MARCHF3: variants seen among roughly 807,000 people sequenced by gnomAD.
The protein encoded by MARCHF3 is membrane associated ring-CH-type finger 3.
In MARCHF3, 13 loss-of-function variants were observed where a neutral mutation model predicts 24.2. The ratio of observed to expected loss-of-function variants is 0.54; its 90% CI spans 0.35 to 0.85. The LOEUF (loss-of-function observed/expected upper bound fraction) is 0.85. Ranked by LOEUF, MARCHF3 falls within the 40% of genes least tolerant of loss-of-function variation. The pLI is 0.01. For missense variants in MARCHF3, 276 were observed against 325.0 expected, an observed-to-expected ratio of 0.85 and a Z score of 1.16; for synonymous variants, 144 against 137.3, an observed-to-expected ratio of 1.05 and a Z score of -0.34.
intron 3 of MARCHF3, among the ~76,000 whole-genome samples, chr5:126,880,986 C>T (rs112062649): frequency 6.6e-6 from 1 of 152,254 alleles, no homozygotes; most frequent in African/African-American, 2.4e-5. Flanking sequence ...TGGCCCTTGA[C>T]ATTACCCTAT....
intron 3 of MARCHF3, among the ~76,000 whole-genome samples, chr5:126,891,942 G>C (rs997596924): frequency 5.4e-5 from 8 of 147,354 alleles, no homozygotes; most frequent in Admixed American, 1.4e-4. Flanking sequence ...TCTTCCATTT[G>C]TTTGTATCCT....
chr5:127,015,564 A>C (rs1479651785), intron 1 of MARCHF3, among the ~76,000 whole-genome samples: 1 of 152,220 alleles, frequency 6.6e-6, no homozygotes, highest in Non-Finnish European at 1.5e-5. Context: ...CCAAGCTGAA[A>C]GCCATAGAAA....
At chr5:126,925,104 C>G (rs192487860) in intron 1 of MARCHF3, among the ~76,000 whole-genome samples, 10 of 152,274 alleles carry the variant, frequency 6.6e-5, no homozygotes, top group African/African-American at 1.7e-4. Flanking sequence ...CTCATTGTCA[C>G]GCTTACAGGG....
chr5:127,029,774 G>A (rs58159475), intron 1 of MARCHF3: 3,513 of 152,378 alleles, frequency 0.023, 58 homozygotes, highest in Non-Finnish European at 0.027. Flanking sequence ...CACCTCAGGA[G>A]GGTCATGGAT....
intron 4 of MARCHF3, among the ~76,000 whole-genome samples, chr5:126,877,244 C>T (rs1165071488): frequency 6.6e-6 from 1 of 152,170 alleles, no homozygotes; most frequent in African/African-American, 2.4e-5. Flanking sequence ...GTGCTAGAAG[C>T]AGCTTCCACA....
At chr5:126,940,182 G>A (rs1365499554) in intron 1 of MARCHF3, among the ~76,000 whole-genome samples, 1 of 152,194 alleles carries the variant, frequency 6.6e-6, no homozygotes, top group Non-Finnish European at 1.5e-5. Context: ...AGGGCTGTGT[G>A]TCCGTGAATG....
At chr5:126,935,855 C>T (rs1167102810) in intron 1 of MARCHF3, among the ~76,000 whole-genome samples, 1 of 151,982 alleles carries the variant, frequency 6.6e-6, no homozygotes, top group Non-Finnish European at 1.5e-5. Flanking sequence ...AGGTGATCCA[C>T]CCACCTCGGC....
chr5:127,019,204 G>T (rs1298037572), intron 1 of MARCHF3, among the ~76,000 whole-genome samples: 1 of 152,132 alleles, frequency 6.6e-6, no homozygotes, highest in Non-Finnish European at 1.5e-5. Context: ...TAATTAGTCT[G>T]CATTGTGCCT....
In MARCHF3 at chr5:126,870,264, AATAT is replaced by A; in HGVS notation, c.*365_*368del. The A allele has an allele frequency of 6.5e-6, 1 of 153,462 alleles. No individual in the cohort carries two copies. The highest frequency in any genetic ancestry group is 1.9e-4 in the East Asian group (1 of 5,256). 9.5% of individuals were successfully genotyped at this position (153,462 alleles called of 1,614,324 possible). ...TTGATTTTGATTATCATCTAAGTTT[AATAT>A]ATATATATATGTGTGTGTGTTTGAA... On this transcript the variant is annotated 3_prime_UTR_variant, in exon 5 of 5. Coordinates refer to ENST00000308660, the MANE Select transcript of MARCHF3 (RefSeq NM_178450.5).
At chr5:126,926,940 C>A (rs1440444074) in intron 1 of MARCHF3, among the ~76,000 whole-genome samples, 1 of 152,082 alleles carries the variant, frequency 6.6e-6, no homozygotes, top group Non-Finnish European at 1.5e-5. Flanking sequence ...CTCACTCAGC[C>A]CACCCTCTTC....
At chr5:126,973,879 ATTTTTTTTTTTTTTTT>A (rs10585434) in intron 1 of MARCHF3, among the ~76,000 whole-genome samples, 4 of 82,974 alleles carry the variant, frequency 4.8e-5, no homozygotes, top group East Asian at 4.0e-4. Flanking sequence ...AGCAAAATCT[ATTTTTTTTTTTTTTTT>A]TTTTTTTTTT....
intron 1 of MARCHF3, among the ~76,000 whole-genome samples, chr5:127,017,435 T>A (rs574160897): frequency 1.4e-4 from 21 of 152,190 alleles, no homozygotes; most frequent in Non-Finnish European, 2.2e-4. Flanking sequence ...TACAAGGGGT[T>A]TATATGTCTT....
intron 1 of MARCHF3, among the ~76,000 whole-genome samples, chr5:127,023,755 A>AATAC (rs1290012828): frequency 1.3e-5 from 2 of 149,516 alleles, no homozygotes; most frequent in African/African-American, 4.9e-5. Flanking sequence ...TAAATAAATA[A>AATAC]ATAAATAAAT....
chr5:126,920,408 G>GTAAC (rs1234795943), intron 1 of MARCHF3, among the ~76,000 whole-genome samples: 3 of 152,178 alleles, frequency 2.0e-5, no homozygotes, highest in Non-Finnish European at 2.9e-5. Flanking sequence ...GTCACAAAGT[G>GTAAC]TAACTTCCTG....
In MARCHF3 at chr5:126,985,003, C is replaced by T. The variant is rs182211797; in HGVS notation, c.-57+45347G>A. Among the ~76,000 whole-genome samples the T allele has an allele frequency of 2.1e-3, 323 of 152,080 alleles. 3 individuals carry two copies. The highest frequency in any genetic ancestry group is 0.018 in the Admixed American group (279 of 15,272). On this transcript the variant is annotated intron_variant, in intron 1 of 4. Coordinates refer to ENST00000308660, the MANE Select transcript of MARCHF3 (RefSeq NM_178450.5). ...GCAGCCCTGGAAAAAAGAGGAATAA[C>T]GAAAAATTGAGAAGTCAAAGGTGGG...
At chr5:126,886,007 T>C (rs202177724) in intron 3 of MARCHF3, among the ~76,000 whole-genome samples, 1 of 148,310 alleles carries the variant, frequency 6.7e-6, no homozygotes, top group Non-Finnish European at 1.5e-5. Context: ...TATATATATA[T>C]AATTTTTTTT....
intron 3 of MARCHF3, among the ~76,000 whole-genome samples, chr5:126,900,662 A>G (rs541745555): frequency 2.0e-5 from 3 of 151,924 alleles, no homozygotes; most frequent in South Asian, 2.1e-4. Flanking sequence ...GGTGTGGTGG[A>G]AAGAACGTGG....
intron 1 of MARCHF3, among the ~76,000 whole-genome samples, chr5:126,995,893 A>T (rs1271822842): frequency 1.3e-5 from 2 of 152,268 alleles, no homozygotes; most frequent in Non-Finnish European, 2.9e-5. Flanking sequence ...GATGTGTTAT[A>T]AACACAGGCA....
At chr5:126,959,924 T>C (rs1750584863) in intron 1 of MARCHF3, among the ~76,000 whole-genome samples, 1 of 152,138 alleles carries the variant, frequency 6.6e-6, no homozygotes, top group South Asian at 2.1e-4. Flanking sequence ...TAGTTAGTTA[T>C]AGTTCCACCG....
Sources: allele counts gnomAD v4.1 joint callset (sites outside exome capture counted in the v4.1 genomes callset), GRCh38; gene constraint gnomAD v4.1.1; transcripts MANE v1.5; gene names NCBI Gene and HGNC (gene_info 2026-07-23, HGNC 2026-07-21).